PRELID2: variants seen among roughly 807,000 people sequenced by gnomAD.
The protein encoded by PRELID2 is PRELI domain containing 2.
A neutral mutation model predicts 28.4 loss-of-function variants in PRELID2; 25 were observed. The ratio of observed to expected loss-of-function variants is 0.88; its 90% CI spans 0.64 to 1.23. The LOEUF (loss-of-function observed/expected upper bound fraction) is 1.23, where lower values mean the gene tolerates loss of function less well. Among genes scored for constraint, PRELID2 ranks in the 50% most tolerant of loss-of-function variants. The probability of loss-of-function intolerance (pLI) is 0.00; values close to 1 mark genes in which losing one functional copy is unlikely to be tolerated. For synonymous variants in PRELID2, 76 were observed against 71.6 expected (o/e 1.06, Z -0.31); for missense variants, 201 against 214.4 (o/e 0.94, Z 0.39).
At chr5:145,769,792 G>C (rs925564024) in intron 5 of PRELID2, among the ~76,000 whole-genome samples, 1 of 152,184 alleles carries the variant, frequency 6.6e-6, no homozygotes, top group Non-Finnish European at 1.5e-5. Flanking sequence ...GTGGAACAGG[G>C]ATGCAGATAA....
At chr5:145,606,519 A>G (rs1753506826) in intron 1 of PRELID2, among the ~76,000 whole-genome samples, 1 of 152,060 alleles carries the variant, frequency 6.6e-6, no homozygotes, top group South Asian at 2.1e-4. Flanking sequence ...GCCTCTATTG[A>G]GATAATGTGG....
At chr5:145,423,239 T>C in the PRELID2 span, among the ~76,000 whole-genome samples, 2 of 150,026 alleles carry the variant, frequency 1.3e-5, no homozygotes, top group South Asian at 2.1e-4. Context: ...TCGAGGAGTA[T>C]CTTTGTGGCG....
At chr5:145,820,861 T>C (rs1038524412) in intron 2 of PRELID2, among the ~76,000 whole-genome samples, 1 of 152,080 alleles carries the variant, frequency 6.6e-6, no homozygotes, top group Non-Finnish European at 1.5e-5. Context: ...AGAATGGGAA[T>C]GAAAGGAAGG....
intron 1 of PRELID2, among the ~76,000 whole-genome samples, chr5:145,716,901 A>G (rs1755859091): frequency 6.6e-6 from 1 of 152,104 alleles, no homozygotes; most frequent in Non-Finnish European, 1.5e-5. Context: ...TGGACAAGGC[A>G]CTTGCACCTG....
At chr5:145,602,934 C>T (rs1753417363) in intron 1 of PRELID2, among the ~76,000 whole-genome samples, 1 of 152,080 alleles carries the variant, frequency 6.6e-6, no homozygotes, top group Non-Finnish European at 1.5e-5. Flanking sequence ...CATCTGTAAT[C>T]CCAGCTATTT....
the PRELID2 span, among the ~76,000 whole-genome samples, chr5:145,458,138 C>G: frequency 7.9e-5 from 12 of 152,266 alleles, no homozygotes; most frequent in East Asian, 1.9e-4. Context: ...AGATACTTTG[C>G]TACTTTGAAA....
At chr5:145,310,357 G>A in the PRELID2 span, among the ~76,000 whole-genome samples, 1 of 152,056 alleles carries the variant, frequency 6.6e-6, no homozygotes, top group Non-Finnish European at 1.5e-5. Flanking sequence ...GAGTTTTCAG[G>A]GATAACAATC....
the PRELID2 span, among the ~76,000 whole-genome samples, chr5:145,394,445 AG>A: frequency 1.0e-5 from 1 of 95,726 alleles, no homozygotes; most frequent in Non-Finnish European, 2.1e-5. Flanking sequence ...GGGTCGGGGG[AG>A]GGGGAGGGAT....
intron 1 of PRELID2, chr5:145,729,216 A>T: frequency 1.2e-6 from 1 of 810,560 alleles, no homozygotes; most frequent in Non-Finnish European, 2.1e-6. Flanking sequence ...AGCATGCCAG[A>T]ATGCCCTGAA....
chr5:145,731,992 T>C (rs747575788), intron 1 of PRELID2, among the ~76,000 whole-genome samples: 1 of 152,224 alleles, frequency 6.6e-6, no homozygotes, highest in Non-Finnish European at 1.5e-5. Flanking sequence ...GAGCTATACC[T>C]GCATACCAGT....
At chr5:145,298,018 C>G in the PRELID2 span, among the ~76,000 whole-genome samples, 1 of 152,050 alleles carries the variant, frequency 6.6e-6, no homozygotes, top group African/African-American at 2.4e-5. Context: ...TAGGAAGAAT[C>G]AATATCATGA....
chr5:145,655,337 T>C (rs1042440724), intron 1 of PRELID2, among the ~76,000 whole-genome samples: 8 of 152,150 alleles, frequency 5.3e-5, no homozygotes, highest in Non-Finnish European at 7.4e-5. Context: ...AGGTAATTTA[T>C]AGATTCAATG....
At chr5:145,433,598 G>A in the PRELID2 span, among the ~76,000 whole-genome samples, 5 of 151,980 alleles carry the variant, frequency 3.3e-5, no homozygotes, top group South Asian at 1.0e-3. Flanking sequence ...CCTTGCCTCA[G>A]TCCCTCAGAG....
At chr5:145,253,955 C>T in the PRELID2 span, among the ~76,000 whole-genome samples, 2,311 of 151,918 alleles carry the variant, frequency 0.015, 23 homozygotes, top group South Asian at 0.031. Context: ...AAAAAGAAGA[C>T]AAAAAGATAA....
chr5:145,340,004 G>A, the PRELID2 span, among the ~76,000 whole-genome samples: 10 of 152,120 alleles, frequency 6.6e-5, no homozygotes, highest in Admixed American at 5.2e-4. Context: ...ACCTGCCTAC[G>A]CTGAGCTAGC....
At chr5:145,821,219 C>CTGTGTG (rs1234241639) in intron 2 of PRELID2, among the ~76,000 whole-genome samples, 1 of 100,876 alleles carries the variant, frequency 9.9e-6, no homozygotes, top group African/African-American at 3.9e-5. Context: ...AAGTCCTCTT[C>CTGTGTG]TGTGTGTGTG....
intron 1 of PRELID2, among the ~76,000 whole-genome samples, chr5:145,635,584 C>T (rs1329801469): frequency 6.6e-6 from 1 of 152,216 alleles, no homozygotes; most frequent in Non-Finnish European, 1.5e-5. Context: ...ATAAATGGCA[C>T]TCAAGCCTGT....
chr5:145,597,679 T>C (rs1303869069), intron 1 of PRELID2, among the ~76,000 whole-genome samples: 1 of 152,182 alleles, frequency 6.6e-6, no homozygotes, highest in Non-Finnish European at 1.5e-5. Flanking sequence ...AATTCTTAAC[T>C]CTATGTTCAA....
chr5:145,713,067 A>G (rs889245438), intron 1 of PRELID2, among the ~76,000 whole-genome samples: 3 of 151,982 alleles, frequency 2.0e-5, no homozygotes, highest in Non-Finnish European at 4.4e-5. Flanking sequence ...GCGGGACAAT[A>G]TTAGATTAAC....
Sources: allele counts gnomAD v4.1 joint callset (sites outside exome capture counted in the v4.1 genomes callset), GRCh38; gene constraint gnomAD v4.1.1; transcripts MANE v1.5; gene names NCBI Gene and HGNC (gene_info 2026-07-23, HGNC 2026-07-21).